DIAPH3: variants seen among roughly 807,000 people sequenced by gnomAD.
The protein encoded by DIAPH3 is protein diaphanous homolog 3.
In DIAPH3, 117 loss-of-function variants were observed where a neutral mutation model predicts 144.3. The observed-to-expected ratio is 0.81, with a 90% CI of 0.70 to 0.95. The LOEUF (loss-of-function observed/expected upper bound fraction) is 0.95, where lower values mean the gene tolerates loss of function less well. DIAPH3 is among the 40% of genes least tolerant of loss of function. DIAPH3 has a pLI of 0.00. For synonymous variants in DIAPH3, 519 were observed against 488.9 expected, an observed-to-expected ratio of 1.06 and a Z score of -0.81; for missense variants, 1,421 against 1,412.7, an observed-to-expected ratio of 1.01 and a Z score of -0.09.
At chr13:59,711,913 G>C (rs1415054641) in intron 27 of DIAPH3, among the ~76,000 whole-genome samples, 1 of 152,178 alleles carries the variant, frequency 6.6e-6, no homozygotes, top group Admixed American at 6.5e-5. Flanking sequence ...TGATCCACAG[G>C]CAGTGTGAAC....
At chr13:59,802,748 C>T (rs1351321193) in intron 25 of DIAPH3, among the ~76,000 whole-genome samples, 2 of 123,330 alleles carry the variant, frequency 1.6e-5, no homozygotes, top group African/African-American at 6.0e-5. Flanking sequence ...GTGGCGCAAT[C>T]TCGGCTCACT....
intron 22 of DIAPH3, among the ~76,000 whole-genome samples, chr13:59,855,883 AACAT>A (rs1016354191): frequency 6.6e-6 from 1 of 151,972 alleles, no homozygotes; most frequent in African/African-American, 2.4e-5. Context: ...ATGGAAAAGA[AACAT>A]ATATATATTT....
intron 22 of DIAPH3, among the ~76,000 whole-genome samples, chr13:59,850,608 A>G (rs994104247): frequency 4.6e-5 from 7 of 151,262 alleles, no homozygotes; most frequent in African/African-American, 1.7e-4. Flanking sequence ...CTCTGTTTAT[A>G]TGCTGGATTA....
At chr13:59,959,042 AT>A (rs1443645304) in intron 17 of DIAPH3, among the ~76,000 whole-genome samples, 1 of 151,814 alleles carries the variant, frequency 6.6e-6, no homozygotes, top group Non-Finnish European at 1.5e-5. Flanking sequence ...TACCCTGCTA[AT>A]TTTTGTATTT....
chr13:59,927,736 T>TA (rs1223427823), intron 17 of DIAPH3, among the ~76,000 whole-genome samples: 9 of 152,136 alleles, frequency 5.9e-5, no homozygotes, highest in Admixed American at 3.3e-4. Context: ...AATTTTCTGC[T>TA]AAAAAAAATT....
At chr13:60,001,443 T>C (rs143346665) in intron 9 of DIAPH3, among the ~76,000 whole-genome samples, 268 of 152,356 alleles carry the variant, frequency 1.8e-3, no homozygotes, top group African/African-American at 6.0e-3. Context: ...TAAGTTGGAC[T>C]GACTGTCTTC....
chr13:60,145,338 A>C (rs1469839563), intron 1 of DIAPH3, among the ~76,000 whole-genome samples: 1 of 152,194 alleles, frequency 6.6e-6, no homozygotes, highest in Non-Finnish European at 1.5e-5. Flanking sequence ...CTAAATGATA[A>C]CAACAACACT....
intron 17 of DIAPH3, among the ~76,000 whole-genome samples, chr13:59,949,131 T>G (rs2048963986): frequency 6.6e-6 from 1 of 152,150 alleles, no homozygotes; most frequent in Non-Finnish European, 1.5e-5. Flanking sequence ...GGGGACTTCC[T>G]TATCATATAG....
At chr13:59,681,673 C>CTTA (rs1410869518) in intron 27 of DIAPH3, among the ~76,000 whole-genome samples, 2 of 151,908 alleles carry the variant, frequency 1.3e-5, no homozygotes. Context: ...TGTTAGAGCA[C>CTTA]TTACTAAGTG....
intron 2 of DIAPH3, among the ~76,000 whole-genome samples, chr13:60,132,003 G>A (rs142016240): frequency 1.3e-5 from 2 of 152,166 alleles, no homozygotes; most frequent in South Asian, 4.1e-4. Context: ...CTTGCAAGGT[G>A]AGAAATCTGT....
intron 4 of DIAPH3, among the ~76,000 whole-genome samples, chr13:60,078,617 C>T (rs999809554): frequency 1.3e-5 from 2 of 151,906 alleles, no homozygotes; most frequent in African/African-American, 4.8e-5. Flanking sequence ...ATGAATCTAA[C>T]ATACCTAAAA....
chr13:59,902,165 A>ATT (rs1211616448), intron 20 of DIAPH3, among the ~76,000 whole-genome samples: 1 of 152,096 alleles, frequency 6.6e-6, no homozygotes, highest in Non-Finnish European at 1.5e-5. Context: ...TATGGTTTGG[A>ATT]TTTGAGCCCC....
intron 4 of DIAPH3, among the ~76,000 whole-genome samples, chr13:60,060,554 T>C (rs890017484): frequency 6.6e-6 from 1 of 152,132 alleles, no homozygotes; most frequent in Non-Finnish European, 1.5e-5. Context: ...ATCAAATGAA[T>C]AGATCAAAAT....
intron 25 of DIAPH3, among the ~76,000 whole-genome samples, chr13:59,805,256 G>A (rs2040133381): frequency 6.6e-6 from 1 of 151,988 alleles, no homozygotes; most frequent in Non-Finnish European, 1.5e-5. Context: ...ATTTAAAAAT[G>A]ATGTGAATCA....
intron 18 of DIAPH3, among the ~76,000 whole-genome samples, chr13:59,918,881 G>A (rs2047371956): frequency 7.0e-6 from 1 of 143,562 alleles, no homozygotes; most frequent in African/African-American, 2.6e-5. Flanking sequence ...GGACATGTAT[G>A]AACTATCTGG....
chr13:59,970,368 A>ATT (rs2050294412), intron 16 of DIAPH3, among the ~76,000 whole-genome samples: 1 of 152,174 alleles, frequency 6.6e-6, no homozygotes, highest in Non-Finnish European at 1.5e-5. Flanking sequence ...TGGGCAGGAC[A>ATT]CATTATACAG....
At chr13:59,850,942 G>GAGGT (rs1215368482) in intron 22 of DIAPH3, among the ~76,000 whole-genome samples, 1 of 147,202 alleles carries the variant, frequency 6.8e-6, no homozygotes. Context: ...AATTCTACCA[G>GAGGT]AGGTACAAGG....
intron 5 of DIAPH3, among the ~76,000 whole-genome samples, chr13:60,027,459 T>C (rs1342249487): frequency 1.3e-5 from 2 of 152,184 alleles, no homozygotes; most frequent in East Asian, 3.8e-4. Context: ...AATGTAGTAT[T>C]CTCCTAGTTT....
At chr13:59,948,893 GA>G (rs2048947734) in intron 17 of DIAPH3, among the ~76,000 whole-genome samples, 3 of 144,984 alleles carry the variant, frequency 2.1e-5, no homozygotes, top group Non-Finnish European at 3.1e-5. Flanking sequence ...AGGAAGGAAG[GA>G]AGGAAGGAAG....
Sources: gnomAD v4.1 joint callset for allele counts (sites outside exome capture counted in the v4.1 genomes callset) on GRCh38, gnomAD v4.1.1 for gene constraint, MANE v1.5 for transcripts, NCBI Gene and HGNC (gene_info 2026-07-23, HGNC 2026-07-21) for gene names.